The following ZNF277 variants were observed in gnomAD, a reference collection of about 807,000 sequenced individuals.
ZNF277 encodes nuclear receptor-interacting factor 4.
ZNF277 carries 55 observed loss-of-function variants against 60.7 expected under a neutral mutation model. That is an observed-to-expected ratio of 0.91 (90% CI 0.73 to 1.13). ZNF277 has a LOEUF of 1.13. ZNF277 is among the 50% of genes most tolerant of loss of function. The probability of loss-of-function intolerance (pLI) is 0.00; values close to 1 mark genes in which losing one functional copy is unlikely to be tolerated. For synonymous variants in ZNF277, 178 were observed against 179.3 expected, an observed-to-expected ratio of 0.99 and a Z score of 0.06; for missense variants, 510 against 523.0, an observed-to-expected ratio of 0.98 and a Z score of 0.24.
intron 1 of ZNF277, among the ~76,000 whole-genome samples, chr7:112,286,456 G>A (rs1792065145): frequency 6.6e-6 from 1 of 152,292 alleles, no homozygotes; most frequent in South Asian, 2.1e-4. Context: ...TCGCCTTAAT[G>A]TATACCATTT....
intron 4 of ZNF277, among the ~76,000 whole-genome samples, chr7:112,297,160 C>T (rs576253227): frequency 8.9e-4 from 135 of 151,758 alleles, no homozygotes; most frequent in Middle Eastern, 6.8e-3. Context: ...ATCTCCTGAC[C>T]TCATGATCTG....
intron 1 of ZNF277, among the ~76,000 whole-genome samples, chr7:112,222,738 CTGAG>C (rs1278360968): frequency 1.3e-5 from 2 of 152,134 alleles, no homozygotes; most frequent in African/African-American, 4.8e-5. Flanking sequence ...ATGGTTAATA[CTGAG>C]TGTCAACTTG....
intron 6 of ZNF277, among the ~76,000 whole-genome samples, chr7:112,329,470 A>G (rs1035544233): frequency 1.5e-4 from 23 of 152,352 alleles, no homozygotes; most frequent in African/African-American, 5.5e-4. Context: ...GCTACTATTT[A>G]TCTTATTCAC....
At chr7:112,281,592 A>G (rs1049609894) in intron 1 of ZNF277, among the ~76,000 whole-genome samples, 4 of 152,232 alleles carry the variant, frequency 2.6e-5, no homozygotes, top group Non-Finnish European at 5.9e-5. Flanking sequence ...TGTTACGCCA[A>G]GGCCCATAGC....
intron 4 of ZNF277, among the ~76,000 whole-genome samples, chr7:112,299,572 A>G (rs1047457661): frequency 1.3e-5 from 2 of 152,200 alleles, no homozygotes; most frequent in Admixed American, 6.5e-5. Flanking sequence ...TCACTCTACC[A>G]CAGCTTGGTG....
chr7:112,273,611 C>T (rs561011848), intron 1 of ZNF277, among the ~76,000 whole-genome samples: 6 of 152,232 alleles, frequency 3.9e-5, no homozygotes, highest in Admixed American at 2.0e-4. Flanking sequence ...GGAAGATTAC[C>T]GGTCAAGGCT....
At chr7:112,312,802 A>G (rs996711842) in intron 4 of ZNF277, among the ~76,000 whole-genome samples, 3 of 152,126 alleles carry the variant, frequency 2.0e-5, no homozygotes, top group South Asian at 2.1e-4. Context: ...TGGTTTACCA[A>G]TTCATTTAGA....
chr7:112,239,154 C>A (rs1235900517), intron 1 of ZNF277, among the ~76,000 whole-genome samples: 1 of 152,094 alleles, frequency 6.6e-6, no homozygotes, highest in African/African-American at 2.4e-5. Flanking sequence ...AAGACTCCTT[C>A]TTGAGGAAAG....
intron 7 of ZNF277, 46 bp downstream of exon 7, chr7:112,330,262 A>G (rs1407195453): frequency 1.9e-6 from 3 of 1,593,656 alleles, no homozygotes; most frequent in Non-Finnish European, 1.7e-6. Context: ...CAGTACTGCA[A>G]ACAAAATCTT....
intron 1 of ZNF277, among the ~76,000 whole-genome samples, chr7:112,245,619 CT>C (rs1188819743): frequency 2.0e-5 from 3 of 152,026 alleles, no homozygotes; most frequent in Admixed American, 2.0e-4. Context: ...TTCAATACCC[CT>C]CTCCTACCTT....
At chr7:112,234,360 A>T (rs959658561) in intron 1 of ZNF277, among the ~76,000 whole-genome samples, 1 of 152,204 alleles carries the variant, frequency 6.6e-6, no homozygotes, top group Non-Finnish European at 1.5e-5. Context: ...AGGTATCAAC[A>T]AATTTGATGT....
At chr7:112,310,489 G>GAGAGAGAGAGAGAGAGAA (rs1305151299) in intron 4 of ZNF277, among the ~76,000 whole-genome samples, 1 of 142,880 alleles carries the variant, frequency 7.0e-6, no homozygotes, top group African/African-American at 3.0e-5. Flanking sequence ...GTGTGTGTGT[G>GAGAGAGAGAGAGAGAGAA]TGTATGTATT....
intron 7 of ZNF277, among the ~76,000 whole-genome samples, chr7:112,334,790 C>G (rs907067117): frequency 6.6e-6 from 1 of 152,094 alleles, no homozygotes; most frequent in Non-Finnish European, 1.5e-5. Flanking sequence ...AAAACCATGA[C>G]CTTAAGTCCA....
At chr7:112,237,926 C>G (rs1790842934) in intron 1 of ZNF277, among the ~76,000 whole-genome samples, 1 of 152,072 alleles carries the variant, frequency 6.6e-6, no homozygotes, top group South Asian at 2.1e-4. Flanking sequence ...AAATCTTCAA[C>G]AAAATACTAT....
At chr7:112,235,763 T>A (rs114287267) in intron 1 of ZNF277, among the ~76,000 whole-genome samples, 2,161 of 152,066 alleles carry the variant, frequency 0.014, 49 homozygotes, top group African/African-American at 0.049. Context: ...TTTGTTGTTG[T>A]TCTTAATTTT....
At chr7:112,210,478 GT>G (rs1377855255) in intron 1 of ZNF277, among the ~76,000 whole-genome samples, 18 of 116,850 alleles carry the variant, frequency 1.5e-4, no homozygotes, top group South Asian at 2.9e-4. Flanking sequence ...TTTTTTTTTT[GT>G]TTTTTTTTTT....
chr7:112,231,968 T>C (rs1258028190), intron 1 of ZNF277, among the ~76,000 whole-genome samples: 1 of 150,298 alleles, frequency 6.7e-6, no homozygotes, highest in Non-Finnish European at 1.5e-5. Context: ...ATTTAAATTT[T>C]TTTGTTTTCT....
At chr7:112,268,989 G>C (rs1464806426) in intron 1 of ZNF277, among the ~76,000 whole-genome samples, 1 of 152,030 alleles carries the variant, frequency 6.6e-6, no homozygotes, top group Non-Finnish European at 1.5e-5. Flanking sequence ...ACTACTTACT[G>C]TCTTAAGCTT....
At chr7:112,228,885 AC>A (rs769828240) in intron 1 of ZNF277, among the ~76,000 whole-genome samples, 15 of 151,990 alleles carry the variant, frequency 9.9e-5, no homozygotes, top group Non-Finnish European at 1.5e-4. Context: ...GATAAATCAC[AC>A]TCCCTGAACT....
Sources: allele counts gnomAD v4.1 joint callset (sites outside exome capture counted in the v4.1 genomes callset), GRCh38; gene constraint gnomAD v4.1.1; transcripts MANE v1.5; gene names NCBI Gene and HGNC (gene_info 2026-07-23, HGNC 2026-07-21).